RALGDS: variants seen among roughly 807,000 people sequenced by gnomAD.
RALGDS encodes the protein ral guanine nucleotide dissociation stimulator, also known as ral guanine nucleotide exchange factor.
Under a neutral mutation model 99.8 loss-of-function variants are expected in RALGDS, and 44 were observed. That is an observed-to-expected ratio of 0.44 (90% CI 0.35 to 0.57). The LOEUF (loss-of-function observed/expected upper bound fraction) is 0.57. RALGDS is among the 20% of genes least tolerant of loss of function. RALGDS has a pLI of 0.01. For missense variants in RALGDS, 1,022 were observed against 1,203.1 expected (o/e 0.85, Z 2.23); for synonymous variants, 529 against 505.0 (o/e 1.05, Z -0.64).
rs978328939 is a variant in RALGDS at position 133,144,441 on chromosome 9, C to T, written c.18+4522G>A. Among the ~76,000 whole-genome samples, 2 of 152,216 alleles carry T rather than the reference C, an allele frequency of 1.3e-5. No homozygotes were observed. The highest frequency in any genetic ancestry group is 4.8e-5 in the African/African-American group (2 of 41,464). ...CCACCCAGTCACCCCGCCTCGGCCC[C>T]GCCTGGTTTGATTTCCTCCCGTGTG... On this transcript the variant is annotated intron_variant, in intron 1 of 17. Coordinates refer to the RALGDS transcript ENST00000393160. The surrounding 1 kb of genome is among the most constrained non-coding windows in gnomAD (Gnocchi z 4.5).
At chr9:133,103,296 T>C in intron 11 of RALGDS, 34 bp from the exon 12 acceptor site, 1 of 1,613,544 alleles carries the variant, frequency 6.2e-7, no homozygotes, top group Non-Finnish European at 8.5e-7. Context: ...CGTCAGAAAG[T>C]GACCCCTTGA....
chr9:133,119,354 C>T (rs921543685), intron 1 of RALGDS, among the ~76,000 whole-genome samples: 10 of 152,072 alleles, frequency 6.6e-5, no homozygotes, highest in Non-Finnish European at 5.9e-5. Context: ...GTTCAGTTTC[C>T]GGCAGTGGCC....
chr9:133,109,630 T>C lies in RALGDS; in HGVS notation c.580A>G (p.Lys194Glu). 2 of 1,612,240 alleles carry C rather than the reference T, an allele frequency of 1.2e-6. No individual in the cohort carries two copies. ...CTTGGCTCAAAGCTCACTCACTTTT[T>C]AAGTTGGTCCTGGGGTCCACCATCC... ...DEDGGPQDQL[K>E]NAISSILGTW... The change falls in exon 4 of 18, where the codon AAA becomes GAA. Residue 194 changes from lysine to glutamate, a missense_variant. By Grantham distance (56) the Lys-to-Glu change is moderately conservative. Coordinates refer to ENST00000372050, the MANE Select transcript of RALGDS (RefSeq NM_006266.4).
At position 133,101,745 on chromosome 9, in the gene RALGDS, T is replaced by C. The variant is rs939722436; in HGVS notation, c.2229A>G (p.Ser743=). The part of the protein sequence containing the change: ...GQEKKFWESA[S]QSSPETSGIS... ...TGCCGGAGGTCTCCGGGGATGACTGTGAGGCTGATTCCCAGAACTGAGGGA... is the reference window on the plus strand; with the variant it reads ...TGCCGGAGGTCTCCGGGGATGACTGCGAGGCTGATTCCCAGAACTGAGGGA... Residue 743 remains serine, a synonymous_variant, in exon 16 of 18, where the codon TCA becomes TCG. Coordinates refer to ENST00000372050, the MANE Select transcript of RALGDS (RefSeq NM_006266.4). 2.5e-6 allele frequency: 4 copies of C among 1,610,784 alleles called. No homozygotes were observed. Among genetic ancestry groups the C allele is most frequent in the Non-Finnish European group, 3.4e-6 (4 of 1,178,512 alleles).
At chr9:133,140,948 T>C (rs758765129) in intron 1 of RALGDS, among the ~76,000 whole-genome samples, 47 of 152,110 alleles carry the variant, frequency 3.1e-4, no homozygotes, top group Non-Finnish European at 5.6e-4. Flanking sequence ...TGGGGGTGGC[T>C]GGGCAGAGTC....
chr9:133,111,752 G>T (rs984378952), intron 2 of RALGDS, among the ~76,000 whole-genome samples: 5 of 152,202 alleles, frequency 3.3e-5, no homozygotes, highest in African/African-American at 9.7e-5. Flanking sequence ...ATGGCAACTT[G>T]CAGAGACCTA....
chr9:133,138,156 C>G (rs1832456285), intron 1 of RALGDS, among the ~76,000 whole-genome samples: 1 of 152,202 alleles, frequency 6.6e-6, no homozygotes, highest in African/African-American at 2.4e-5. Flanking sequence ...GGCACAGGGC[C>G]TTGGCTGGCT....
chr9:133,143,635 C>T (rs928265300), intron 1 of RALGDS, among the ~76,000 whole-genome samples: 10 of 151,624 alleles, frequency 6.6e-5, no homozygotes, highest in Admixed American at 1.3e-4. Flanking sequence ...GTGCACCTGC[C>T]GCCCCAGCTA....
In RALGDS at chr9:133,098,564, AGC is replaced by A. The variant is rs2119106628; in HGVS notation, c.*21_*22del. The A allele has an allele frequency of 1.9e-6, 3 of 1,613,390 alleles. No individual in the cohort carries two copies. In the East Asian group the frequency reaches 6.7e-5, roughly 36 times the overall value. On this transcript the variant is annotated 3_prime_UTR_variant, in exon 18 of 18. Coordinates refer to ENST00000372050, the MANE Select transcript of RALGDS (RefSeq NM_006266.4). ...GTCCATAAGTGCTTGGCTACCAGCC[AGC>A]CAGACCCTGGGAGGATGCCCTCAGA... is the stretch of plus-strand genomic sequence containing the variant.
intron 1 of RALGDS, chr9:133,130,912 G>A (rs1305097674): frequency 7.3e-6 from 11 of 1,503,172 alleles, no homozygotes; most frequent in Non-Finnish European, 9.8e-6. Context: ...AGAGATGCCA[G>A]GGCGAAGTCA....
chr9:133,100,756 AAGG>A (rs1391803181), intron 16 of RALGDS: 1 of 1,160,738 alleles, frequency 8.6e-7, no homozygotes, highest in African/African-American at 1.6e-5. Context: ...GGAGGTAAGA[AAGG>A]AGGGGCCGGC....
upstream of RALGDS, among the ~76,000 whole-genome samples, chr9:133,123,592 G>T (rs114611029): frequency 3.8e-3 from 584 of 152,306 alleles, 6 homozygotes; most frequent in African/African-American, 0.014. Flanking sequence ...TTTTTACAAA[G>T]TTCCTCTTCC....
upstream of RALGDS, among the ~76,000 whole-genome samples, chr9:133,123,823 G>T (rs1410997806): frequency 1.9e-4 from 10 of 52,020 alleles, 2 homozygotes; most frequent in South Asian, 8.4e-4. Context: ...CAGAGAGACA[G>T]AGACACAGAC....
chr9:133,102,955 G>T (rs1057128703), intron 12 of RALGDS, 55 bp from the exon 13 acceptor site: 6 of 1,605,176 alleles, frequency 3.7e-6, no homozygotes, highest in South Asian at 3.3e-5. Flanking sequence ...CAGCACAGGG[G>T]CCAGTCTCTG....
intron 1 of RALGDS, among the ~76,000 whole-genome samples, chr9:133,148,055 C>A (rs749516257): frequency 6.9e-4 from 105 of 152,274 alleles, no homozygotes; most frequent in African/African-American, 2.1e-3. Context: ...GCCCTTCAGC[C>A]CCCCCGGCTT....
chr9:133,142,390 G>GCCATCGGAAAGC (rs1271184704), intron 1 of RALGDS, among the ~76,000 whole-genome samples: 1 of 152,080 alleles, frequency 6.6e-6, no homozygotes, highest in Non-Finnish European at 1.5e-5. Context: ...TTGGAAGTGA[G>GCCATCGGAAAGC]CCATCGGAAA....
At chr9:133,132,903 C>T (rs1832365749), upstream of RALGDS, among the ~76,000 whole-genome samples, 1 of 152,082 alleles carries the variant, frequency 6.6e-6, no homozygotes, top group South Asian at 2.1e-4. Flanking sequence ...TCCCAAAATG[C>T]TGGGATTACA....
upstream of RALGDS, among the ~76,000 whole-genome samples, chr9:133,131,573 A>G (rs1564251786): frequency 6.6e-6 from 1 of 151,892 alleles, no homozygotes. Context: ...CCCCTGTCTT[A>G]ATGCAGCAAC....
chr9:133,107,953 G>A lies in RALGDS; in HGVS notation c.1197+35C>T, dbSNP rs756969834. 7 of 1,611,302 alleles carry A rather than the reference G, an allele frequency of 4.3e-6. No individual in the cohort carries two copies. In the East Asian group the frequency reaches 1.6e-4, roughly 36 times the overall value. On this transcript the variant is annotated intron_variant, in intron 6 of 17. Coordinates refer to ENST00000372050, the MANE Select transcript of RALGDS (RefSeq NM_006266.4). ...GGACAGCAGATGCTGCCAGAAGGCAGGCCCACCCCTGCCCTGCCAAGCTGA... is the reference window on the plus strand; with the variant it reads ...GGACAGCAGATGCTGCCAGAAGGCAAGCCCACCCCTGCCCTGCCAAGCTGA...
Sources: gnomAD v4.1 joint callset for allele counts (sites outside exome capture counted in the v4.1 genomes callset) on GRCh38, gnomAD v4.1.1 for gene constraint, Gnocchi (gnomAD v3.1) non-coding constraint, MANE v1.5 for transcripts, NCBI Gene and HGNC (gene_info 2026-07-23, HGNC 2026-07-21) for gene names.